Variants in PCDH11X observed in about 807,000 individuals in gnomAD.
PCDH11X encodes the protein protocadherin-11 X-linked.
In PCDH11X, 18 loss-of-function variants were observed where a neutral mutation model predicts 53.3. The ratio of observed to expected loss-of-function variants is 0.34; its 90% CI spans 0.23 to 0.50. The LOEUF (loss-of-function observed/expected upper bound fraction) is 0.50, where lower values mean the gene tolerates loss of function less well. PCDH11X is among the 20% of genes least tolerant of loss of function. The probability of loss-of-function intolerance (pLI) is 0.98; values close to 1 mark genes in which losing one functional copy is unlikely to be tolerated. For synonymous variants in PCDH11X, 279 were observed against 393.3 expected (o/e 0.71, Z 3.44); for missense variants, 570 against 1,032.4 (o/e 0.55, Z 6.14).
rs1333650710 is a variant in PCDH11X, at chrX:92,386,448, G to A, written c.3145-1287G>A. On this transcript the variant is annotated intron_variant, in intron 8 of 10. Coordinates refer to ENST00000682573, the MANE Select transcript of PCDH11X (RefSeq NM_032968.5). The stretch of plus-strand genomic sequence containing the variant: ...AGTTTAGTGCTTTGGTTGATCTATT[G>A]TTACATAGCAAACCATCAGTAATCT... 3.7e-5 allele frequency among the ~76,000 whole-genome samples: 4 copies of A among 109,119 alleles called. No homozygotes were observed. In the East Asian group the frequency reaches 1.2e-3, roughly 32 times the overall value. The allele number at this position is 109,119 out of a possible 115,157, so 94.8% of individuals were successfully genotyped here. A position where few individuals can be genotyped will look rare whatever the true frequency, so the allele number is the denominator to read the frequency against.
At chrX:92,062,367 T>C (rs1266811102) in intron 6 of PCDH11X, among the ~76,000 whole-genome samples, 1 of 111,677 alleles carries the variant, frequency 9.0e-6, no homozygotes, top group Non-Finnish European at 1.9e-5. Flanking sequence ...CTATGTTCAA[T>C]AGGAGTATTA....
chrX:92,021,890 T>C (rs1336165951), intron 6 of PCDH11X, among the ~76,000 whole-genome samples: 23 of 108,635 alleles, frequency 2.1e-4, no homozygotes, highest in African/African-American at 7.7e-4. Flanking sequence ...AAAAGCATTT[T>C]CAACCCAGAA....
intron 9 of PCDH11X, among the ~76,000 whole-genome samples, chrX:92,409,661 A>T (rs1385684506): frequency 8.9e-6 from 1 of 112,270 alleles, no homozygotes; most frequent in Non-Finnish European, 1.9e-5. Context: ...CTTGTGGTTT[A>T]TAAAATTGCA....
chrX:92,341,043 A>G (rs2069745271), intron 8 of PCDH11X, among the ~76,000 whole-genome samples: 1 of 111,386 alleles, frequency 9.0e-6, no homozygotes. Context: ...TTCTTCTGCC[A>G]GTTACTCTAT....
intron 7 of PCDH11X, among the ~76,000 whole-genome samples, chrX:92,234,183 G>T (rs1038993675): frequency 5.3e-5 from 6 of 112,161 alleles, no homozygotes; most frequent in African/African-American, 1.9e-4. Context: ...TGACAACACT[G>T]AATAGCTTAA....
chrX:92,232,141 T>A (rs963646275), intron 7 of PCDH11X, among the ~76,000 whole-genome samples: 2 of 112,226 alleles, frequency 1.8e-5, no homozygotes, highest in Middle Eastern at 9.1e-3. Context: ...TAATGAGGTG[T>A]TGAGGAATTA....
chrX:92,311,079 G>A (rs1367433293), intron 8 of PCDH11X, among the ~76,000 whole-genome samples: 3 of 111,555 alleles, frequency 2.7e-5, no homozygotes, highest in Non-Finnish European at 3.8e-5. Context: ...GATGAGAAAC[G>A]GATGGAGAAT....
In PCDH11X at chrX:92,059,110, A is replaced by G. The variant is rs535699569; in HGVS notation, c.3034-142265A>G. Among the ~76,000 whole-genome samples, 34 of 106,074 alleles carry G rather than the reference A, an allele frequency of 3.2e-4. No individual in the cohort carries two copies. The South Asian group carries it at 0.015, about 46-fold the overall frequency. The allele number at this position is 106,074 out of a possible 115,157, so 92.1% of individuals were successfully genotyped here. A position where few individuals can be genotyped will look rare whatever the true frequency, so the allele number is the denominator to read the frequency against. ...TTAAAATCCTGATTCTGTGTGTCTA[A>G]TAAATTTTGGCTGTATGATATGAAT... is the stretch of plus-strand genomic sequence containing the variant. On this transcript the variant is annotated intron_variant, in intron 6 of 10. Transcript: ENST00000682573.
intron 6 of PCDH11X, among the ~76,000 whole-genome samples, chrX:91,911,040 A>G (rs1441353723): frequency 9.0e-6 from 1 of 111,713 alleles, no homozygotes; most frequent in Non-Finnish European, 1.9e-5. Context: ...ACTTTCTTTC[A>G]TAAATTTTGA....
Position 91,879,123 on chromosome X carries a change from C to T in PCDH11X, c.2883C>T (p.His961=), listed in dbSNP as rs978958358. Residue 961 remains histidine, a synonymous_variant, in exon 6 of 11, where the codon CAC becomes CAT. Coordinates refer to ENST00000682573, the MANE Select transcript of PCDH11X (RefSeq NM_032968.5). ...AAACTCCCCTGAATTCGAAGCACCACATCATCCAAGAACTGCCTCTCGATA... is the reference window on the plus strand; with the variant it reads ...AAACTCCCCTGAATTCGAAGCACCATATCATCCAAGAACTGCCTCTCGATA... The part of the protein sequence containing the change: ...QPETPLNSKH[H]IIQELPLDNT... The T allele has an allele frequency of 3.3e-6, 4 of 1,209,279 alleles. No individual in the cohort carries two copies. The African/African-American group carries it at 5.3e-5, about 16-fold the overall frequency.
intron 6 of PCDH11X, among the ~76,000 whole-genome samples, chrX:92,110,723 G>A (rs1294613242): frequency 9.0e-6 from 1 of 110,935 alleles, no homozygotes; most frequent in Non-Finnish European, 1.9e-5. Context: ...TTTCCTTGTG[G>A]GCAAAATATG....
chrX:92,543,218 G>T lies in PCDH11X; in HGVS notation c.3367+74896G>T, dbSNP rs1331355011. 6.0e-5 allele frequency among the ~76,000 whole-genome samples: 6 copies of T among 99,561 alleles called. No homozygotes were observed. The East Asian group carries it at 1.3e-3, about 21-fold the overall frequency. 86.5% of individuals were successfully genotyped at this position (99,561 alleles called of 115,157 possible). On this transcript the variant is annotated intron_variant, in intron 10 of 10. Coordinates refer to ENST00000682573, the MANE Select transcript of PCDH11X (RefSeq NM_032968.5). ...AATAATATTGTCCTTTAAAATTTTG[G>T]CTTTTAATAACTTTTTAAACTTTAT...
Position 92,286,098 on chromosome X carries a change from A to G in PCDH11X, c.3144+22955A>G, listed in dbSNP as rs747588926. Among the ~76,000 whole-genome samples the G allele has an allele frequency of 1.1e-3, 117 of 110,877 alleles. 1 individual carries two copies. The highest frequency in any genetic ancestry group is 3.7e-3 in the African/African-American group (113 of 30,493). ...ACCCACAACCTTCAGCATGGGCATC[A>G]TGGCCATCACGAATATGTCACAGTG... On this transcript the variant is annotated intron_variant, in intron 8 of 10. Coordinates refer to ENST00000682573, the MANE Select transcript of PCDH11X (RefSeq NM_032968.5).
intron 6 of PCDH11X, among the ~76,000 whole-genome samples, chrX:91,926,076 GCACACACACACACACA>G (rs4022270): frequency 1.1e-4 from 9 of 83,128 alleles, no homozygotes; most frequent in Non-Finnish European, 1.8e-4. Context: ...ACACAAACAC[GCACACACACACACACA>G]CACACACACA....
chrX:92,445,192 CTT>C (rs778466088), intron 9 of PCDH11X, among the ~76,000 whole-genome samples: 13 of 16,523 alleles, frequency 7.9e-4, no homozygotes, highest in East Asian at 3.0e-3. Flanking sequence ...TGGTCCAGGG[CTT>C]TTTTTTTTTT....
At chrX:92,465,121 T>C (rs2073132515) in intron 9 of PCDH11X, among the ~76,000 whole-genome samples, 1 of 110,963 alleles carries the variant, frequency 9.0e-6, no homozygotes, top group Admixed American at 9.6e-5. Context: ...CACTCCTGCC[T>C]GGGCTACAGA....
intron 6 of PCDH11X, among the ~76,000 whole-genome samples, chrX:92,175,398 A>G (rs2065889576): frequency 9.0e-6 from 1 of 111,653 alleles, no homozygotes; most frequent in South Asian, 3.7e-4. Flanking sequence ...CTTAACAGAA[A>G]AAGAAAGTCT....
At chrX:92,152,510 G>A (rs1315154854) in intron 6 of PCDH11X, among the ~76,000 whole-genome samples, 3 of 111,528 alleles carry the variant, frequency 2.7e-5, no homozygotes. Context: ...GTGAAAGGAA[G>A]GTCATTAAGA....
At chrX:92,582,503 C>T (rs1227490785) in intron 10 of PCDH11X, among the ~76,000 whole-genome samples, 1 of 109,203 alleles carries the variant, frequency 9.2e-6, no homozygotes, top group East Asian at 2.9e-4. Context: ...GAACCTCCAC[C>T]TAGATTTCAG....
Sources: allele counts gnomAD v4.1 joint callset (sites outside exome capture counted in the v4.1 genomes callset), GRCh38; gene constraint gnomAD v4.1.1; transcripts MANE v1.5; gene names NCBI Gene and HGNC (gene_info 2026-07-23, HGNC 2026-07-21).